Variants in SLC9C2 observed in about 807,000 individuals in gnomAD.
SLC9C2 encodes solute carrier family 9 member C2 (putative), also known as sodium/hydrogen exchanger 11.
In SLC9C2, 75 loss-of-function variants were observed where a neutral mutation model predicts 140.2. The observed-to-expected ratio is 0.53, with a 90% confidence interval of 0.44 to 0.65. SLC9C2 has a LOEUF of 0.65. Among genes scored for constraint, SLC9C2 ranks in the 30% least tolerant of loss-of-function variants. SLC9C2 has a pLI of 0.00. For synonymous variants in SLC9C2, 375 were observed against 420.9 expected, an observed-to-expected ratio of 0.89 and a Z score of 1.34; for missense variants, 1,074 against 1,331.8, an observed-to-expected ratio of 0.81 and a Z score of 3.01.
At chr1:173,585,587 A>C (rs765693921) in intron 5 of SLC9C2, among the ~76,000 whole-genome samples, 1 of 152,180 alleles carries the variant, frequency 6.6e-6, no homozygotes, top group East Asian at 1.9e-4. Flanking sequence ...TCCAGAATCT[A>C]TCTAACCTCC....
intron 20 of SLC9C2, 54 bp downstream of exon 20, chr1:173,524,725 C>T: frequency 1.3e-6 from 2 of 1,595,210 alleles, no homozygotes; most frequent in Non-Finnish European, 8.6e-7. Flanking sequence ...TTACACACTG[C>T]TAAAGTAACC....
intron 17 of SLC9C2, among the ~76,000 whole-genome samples, 163 bp downstream of exon 17, chr1:173,533,446 T>C (rs1661727243): frequency 6.6e-6 from 1 of 152,062 alleles, no homozygotes; most frequent in Admixed American, 6.5e-5. Context: ...GCCCAGCTAA[T>C]TTATTAATTT....
intron 4 of SLC9C2, among the ~76,000 whole-genome samples, chr1:173,593,169 A>G (rs1666263125): frequency 1.3e-5 from 2 of 152,182 alleles, no homozygotes; most frequent in South Asian, 4.1e-4. Flanking sequence ...CAACCTCACA[A>G]ACAAGTCAGC....
At chr1:173,521,667 G>A (rs16846099) in intron 21 of SLC9C2, among the ~76,000 whole-genome samples, 1 of 151,260 alleles carries the variant, frequency 6.6e-6, no homozygotes, top group Admixed American at 6.6e-5. Context: ...AACAAACTTT[G>A]ACTTTGTGAT....
chr1:173,542,553 C>CA (rs922897354), intron 13 of SLC9C2, among the ~76,000 whole-genome samples: 8 of 151,762 alleles, frequency 5.3e-5, no homozygotes, highest in African/African-American at 9.7e-5. Context: ...AGAGACACAA[C>CA]AAAAAAAGAG....
intron 4 of SLC9C2, among the ~76,000 whole-genome samples, chr1:173,590,887 A>C (rs570949633): frequency 6.6e-6 from 1 of 152,312 alleles, no homozygotes; most frequent in African/African-American, 2.4e-5. Flanking sequence ...TTTTCATTTA[A>C]TATTTTCTTT....
Position 173,573,193 on chromosome 1 carries a change from C to A in SLC9C2, c.1035G>T (p.Val345=). 6.5e-7 allele frequency: 1 copy of A among 1,549,534 alleles called. No individual in the cohort carries two copies. Among genetic ancestry groups the A allele is most frequent in the African/African-American group, 1.4e-5 (1 of 72,574 alleles). ...IPFIFILFTT[V]NLVRLLTILL... is the part of the protein sequence containing the mutation. Reference sequence around the variant, plus strand: ...AATATTATTCTTACCTTACCAAATTCACTGTTGTAAATAAAATGAATATGA... The same window carrying A: ...AATATTATTCTTACCTTACCAAATTAACTGTTGTAAATAAAATGAATATGA... Residue 345 remains valine (V), a synonymous_variant, in exon 9 of 28, where the codon GTG becomes GTT. Coordinates refer to ENST00000367714, the MANE Select transcript of SLC9C2 (RefSeq NM_178527.4).
At chr1:173,502,369 C>T (rs1659345416) in intron 27 of SLC9C2, among the ~76,000 whole-genome samples, 1 of 151,810 alleles carries the variant, frequency 6.6e-6, no homozygotes, top group South Asian at 2.1e-4. Context: ...TGCTTAGCAC[C>T]ATCACTGCTA....
chr1:173,598,096 T>C, intron 3 of SLC9C2, 64 bp from the exon 4 acceptor site: 3 of 1,480,360 alleles, frequency 2.0e-6, no homozygotes, highest in Non-Finnish European at 2.7e-6. Context: ...GAAACTAGGT[T>C]GATGCTGTCA....
chr1:173,564,459 T>C (rs1664317846), intron 9 of SLC9C2, among the ~76,000 whole-genome samples: 2 of 152,190 alleles, frequency 1.3e-5, no homozygotes, highest in Admixed American at 6.5e-5. Context: ...ATCAATGACG[T>C]TGGGCACATT....
chr1:173,541,115 C>T (rs1260921091), intron 13 of SLC9C2, among the ~76,000 whole-genome samples: 1 of 151,828 alleles, frequency 6.6e-6, no homozygotes, highest in East Asian at 1.9e-4. Context: ...AGACTCATCT[C>T]ACATGCAGAA....
rs1012930453 is a variant in SLC9C2 at position 173,517,603 on chromosome 1, A to C, written c.2841T>G (p.Ile947Met). 1 of 1,613,940 alleles carries C rather than the reference A, an allele frequency of 6.2e-7. No individual in the cohort carries two copies. Among genetic ancestry groups the C allele is most frequent in the Non-Finnish European group, 8.5e-7 (1 of 1,179,942 alleles). The change falls in exon 23 of 28, where the codon ATT (isoleucine) becomes ATG (methionine). Residue 947 changes from isoleucine to methionine, a missense_variant. Transcript: ENST00000367714. ...FTEFCTTGDI[I>M]GELSCLLKRE... ...GCTTAAGCAGACAGCTTAGCTCTCC[A>C]ATTATGTCCCCAGTAGTACAGAACT...
chr1:173,505,413 T>TA, intron 25 of SLC9C2, 82 bp from the exon 26 acceptor site: 1 of 1,090,268 alleles, frequency 9.2e-7, no homozygotes, highest in Non-Finnish European at 1.4e-6. Context: ...CCAAAGAGTA[T>TA]AAAAAATAAG....
Position 173,547,726 on chromosome 1 carries a change from A to G in SLC9C2, c.1520T>C (p.Met507Thr). The stretch of plus-strand genomic sequence containing the variant: ...AGCTACATGCAATCTGGCTTCCTCC[A>G]TTAAAGCTTCATCTGTTGTGGATTC... ...KTESTTDEAL[M>T]EEARLHVAAI... is the part of the protein sequence containing the mutation. The change falls in exon 13 of 28, where the codon ATG (methionine) becomes ACG (threonine). Residue 507 changes from methionine to threonine, a missense_variant. Met to Thr is a moderately conservative substitution (Grantham distance 81). Transcript: ENST00000367714. 1 of 1,612,814 alleles carries G rather than the reference A, an allele frequency of 6.2e-7. No individual in the cohort carries two copies. The highest frequency in any genetic ancestry group is 8.5e-7 in the Non-Finnish European group (1 of 1,179,080).
intron 5 of SLC9C2, among the ~76,000 whole-genome samples, chr1:173,586,895 G>T (rs1665885473): frequency 6.6e-6 from 1 of 152,014 alleles, no homozygotes; most frequent in Non-Finnish European, 1.5e-5. Flanking sequence ...GGAGGTGAGG[G>T]GAGTGAGCTT....
intron 24 of SLC9C2, 59 bp downstream of exon 24, chr1:173,509,509 T>C (rs10737303): frequency 0.25 from 346,956 of 1,392,964 alleles, 50,423 homozygotes; most frequent in East Asian, 0.64. Flanking sequence ...GAAATGCATT[T>C]TGTAAAAAAT....
Position 173,551,063 on chromosome 1 carries a change from A to G in SLC9C2, c.1298-2511T>C, listed in dbSNP as rs138913874. The stretch of plus-strand genomic sequence containing the variant: ...GGTGGGCTGTCACAGGAAGTTCTGC[A>G]ATAGTGTTTATGAGGCACAGTTCTA... On this transcript the variant is annotated intron_variant, in intron 11 of 27. Transcript: ENST00000367714. 3.4e-4 allele frequency among the ~76,000 whole-genome samples: 48 copies of G among 142,798 alleles called. No individual in the cohort carries two copies. The Middle Eastern group carries it at 0.011, about 32-fold the overall frequency. The allele number at this position is 142,798 out of a possible 152,430, so 93.7% of individuals were successfully genotyped here.
At chr1:173,595,333 C>A (rs756572760) in intron 4 of SLC9C2, among the ~76,000 whole-genome samples, 1 of 152,130 alleles carries the variant, frequency 6.6e-6, no homozygotes, top group Non-Finnish European at 1.5e-5. Context: ...TTCATTCTAG[C>A]CCACTGGAGG....
At chr1:173,575,897 G>A (rs1449198438) in intron 8 of SLC9C2, among the ~76,000 whole-genome samples, 1 of 152,020 alleles carries the variant, frequency 6.6e-6, no homozygotes, top group African/African-American at 2.4e-5. Flanking sequence ...TTTTCATTTT[G>A]CCGAGTAGAA....
Sources: gnomAD v4.1 joint callset for allele counts (sites outside exome capture counted in the v4.1 genomes callset) on GRCh38, gnomAD v4.1.1 for gene constraint, MANE v1.5 for transcripts, NCBI Gene and HGNC (gene_info 2026-07-23, HGNC 2026-07-21) for gene names.